Variants in NTSR2 observed in about 807,000 individuals in gnomAD.
NTSR2 encodes neurotensin receptor 2, also known as neurotensin receptor type 2.
Under a neutral mutation model 24.1 loss-of-function variants are expected in NTSR2, and 22 were observed. That is an observed-to-expected ratio of 0.91 (90% CI 0.65 to 1.30). NTSR2 has a LOEUF of 1.30. Among genes scored for constraint, NTSR2 ranks in the 50% most tolerant of loss-of-function variants. The probability of loss-of-function intolerance (pLI) is 0.00; values close to 1 mark genes in which losing one functional copy is unlikely to be tolerated. For synonymous variants in NTSR2, 291 were observed against 267.0 expected (o/e 1.09, Z -0.88); for missense variants, 570 against 570.4 (o/e 1.00, Z 0.01).
intron 1 of NTSR2, among the ~76,000 whole-genome samples, chr2:11,668,996 G>T (rs1227360533): frequency 6.6e-6 from 1 of 152,140 alleles, no homozygotes; most frequent in African/African-American, 2.4e-5. Flanking sequence ...GGTGTGGGGG[G>T]ACAAGTGGCC....
At chr2:11,666,949 G>A (rs576912171) in intron 1 of NTSR2, among the ~76,000 whole-genome samples, 2 of 151,930 alleles carry the variant, frequency 1.3e-5, no homozygotes, top group Non-Finnish European at 3.0e-5. Context: ...GGAAGAAAAG[G>A]CAGGAAAGGA....
chr2:11,669,482 GACTCCC>G lies in NTSR2; in HGVS notation c.624+18_624+23del. The G allele has an allele frequency of 2.0e-5, 2 of 99,272 alleles. No homozygotes were observed. The highest frequency in any genetic ancestry group is 3.8e-3 in the Middle Eastern group (1 of 266). The allele number at this position is 99,272 out of a possible 1,614,324, so 6.1% of individuals were successfully genotyped here. A position where few individuals can be genotyped will look rare whatever the true frequency, so the allele number is the denominator to read the frequency against. ...ACCGCCCCCCCACCCCCCCTCCCCC[GACTCCC>G]GCTCTCCACGCCCTTACCTGGATAA... On this transcript the variant is annotated intron_variant, in intron 1 of 3. Transcript: ENST00000306928.
rs1282108290 is a variant in NTSR2, at chr2:11,662,102, C to T, written c.763G>A (p.Glu255Lys). ...TPGSSTPSRLELLSEEGLLSF... is the reference protein window; with the variant it reads ...TPGSSTPSRLKLLSEEGLLSF... ...AGGAGACCCTCCTCACTCAGCAGCT[C>T]CAGGCGGCTGGGGGTGGAGCTGCCC... Residue 255 changes from glutamate (E) to lysine (K), a missense_variant, in exon 2 of 4, where the codon GAG becomes AAG. Coordinates refer to ENST00000306928, the MANE Select transcript of NTSR2 (RefSeq NM_012344.4). 1 of 1,613,212 alleles carries T rather than the reference C, an allele frequency of 6.2e-7. No homozygotes were observed. The highest frequency in any genetic ancestry group is 1.1e-5 in the South Asian group (1 of 91,016).
Position 11,658,332 on chromosome 2 carries a change from C to T in NTSR2, c.*147G>A, listed in dbSNP as rs373736747. The T allele has an allele frequency of 3.6e-5, 42 of 1,156,040 alleles. No homozygotes were observed. The highest frequency in any genetic ancestry group is 8.0e-5 in the South Asian group (5 of 62,752). The allele number at this position is 1,156,040 out of a possible 1,614,324, so 71.6% of individuals were successfully genotyped here. The stretch of plus-strand genomic sequence containing the variant: ...TAGGAGGGGTCACGTGGCTTCCCTG[C>T]GCTTGATGGTTCTCAGCAGAGCAGG... On this transcript the variant is annotated 3_prime_UTR_variant, in exon 4 of 4. Coordinates refer to ENST00000306928, the MANE Select transcript of NTSR2 (RefSeq NM_012344.4).
chr2:11,669,747 C>A lies in NTSR2; in HGVS notation c.383G>T (p.Gly128Val). The A allele has an allele frequency of 6.5e-7, 1 of 1,536,624 alleles. No individual in the cohort carries two copies. Among genetic ancestry groups the A allele is most frequent in the Non-Finnish European group, 8.7e-7 (1 of 1,147,802 alleles). ...GGCTAGGCAGCGCTCGGCGCTCAGG[C>A]CTGCCACGCTCAGCACCGTGGCGTA... Reference protein sequence around the residue: ...CAYATVLSVAGLSAERCLAVC... With the variant: ...CAYATVLSVAVLSAERCLAVC... The change falls in exon 1 of 4, where the codon GGC becomes GTC. Residue 128 changes from glycine (G) to valine (V), a missense_variant. Transcript: ENST00000306928.
chr2:11,670,052 G>C lies in NTSR2; in HGVS notation c.78C>G (p.Asp26Glu), dbSNP rs1194768549. The C allele has an allele frequency of 1.3e-6, 2 of 1,482,006 alleles. No individual in the cohort carries two copies. Among genetic ancestry groups the C allele is most frequent in the African/African-American group, 2.9e-5 (2 of 67,828 alleles). The allele number at this position is 1,482,006 out of a possible 1,614,324, so 91.8% of individuals were successfully genotyped here. A position where few individuals can be genotyped will look rare whatever the true frequency, so the allele number is the denominator to read the frequency against. ...GLSLDARLGV[D>E]TRLWAKVLFT... ...ACAGCACCTTGGCCCAGAGGCGAGT[G>C]TCCACGCCCAGCCGGGCGTCCAGGC... is the stretch of plus-strand genomic sequence containing the variant. Residue 26 changes from aspartate to glutamate, a missense_variant, in exon 1 of 4, where the codon GAC becomes GAG. Transcript: ENST00000306928.
chr2:11,669,801 C>G lies in NTSR2; in HGVS notation c.329G>C (p.Gly110Ala), dbSNP rs904937814. 1.3e-6 allele frequency: 2 copies of G among 1,561,224 alleles called. No individual in the cohort carries two copies. The highest frequency in any genetic ancestry group is 2.3e-5 in the South Asian group (2 of 85,948). Reference sequence around the variant, plus strand: ...GCACAGCTCGTGCACGAAGTAGTAGCCGCGGCAGCCCAGGTCGCCGAAGAC... The same window carrying G: ...GCACAGCTCGTGCACGAAGTAGTAGGCGCGGCAGCCCAGGTCGCCGAAGAC... ...PWVFGDLGCR[G>A]YYFVHELCAY... The change falls in exon 1 of 4, where the codon GGC (glycine) becomes GCC (alanine). Residue 110 changes from glycine to alanine, a missense_variant. Gly to Ala is a moderately conservative substitution (Grantham distance 60, BLOSUM62 0). Transcript: ENST00000306928.
At chr2:11,664,400 G>C (rs974787885) in intron 1 of NTSR2, among the ~76,000 whole-genome samples, 2 of 152,212 alleles carry the variant, frequency 1.3e-5, no homozygotes, top group African/African-American at 4.8e-5. Flanking sequence ...TTACAGGTGT[G>C]AGCCACTGTG....
chr2:11,664,172 G>A (rs576177195), intron 1 of NTSR2, among the ~76,000 whole-genome samples: 3 of 149,802 alleles, frequency 2.0e-5, no homozygotes, highest in East Asian at 2.0e-4. Flanking sequence ...ACTAGAGTGC[G>A]GTAGTGCAAT....
intron 1 of NTSR2, among the ~76,000 whole-genome samples, chr2:11,662,907 A>G (rs1047474796): frequency 6.6e-6 from 1 of 152,236 alleles, no homozygotes; most frequent in Non-Finnish European, 1.5e-5. Context: ...TTCTTATGAC[A>G]TTTAGCATCT....
chr2:11,662,640 G>C (rs958658835), intron 1 of NTSR2, among the ~76,000 whole-genome samples: 2 of 152,154 alleles, frequency 1.3e-5, no homozygotes, highest in African/African-American at 4.8e-5. Context: ...AATTAGCTGG[G>C]CGTGGTAGCG....
At chr2:11,669,429 C>T (rs902257574) in intron 1 of NTSR2, 77 bp downstream of exon 1, 10 of 957,814 alleles carry the variant, frequency 1.0e-5, no homozygotes, top group African/African-American at 9.8e-5. Flanking sequence ...GTCTGTTCCC[C>T]GGGGAGAGGG....
In NTSR2 at chr2:11,669,818, G is replaced by C. The variant is rs1035261916; in HGVS notation, c.312C>G (p.Gly104=). 7 of 1,571,356 alleles carry C rather than the reference G, an allele frequency of 4.5e-6. No individual in the cohort carries two copies. Among genetic ancestry groups the C allele is most frequent in the Non-Finnish European group, 6.0e-6 (7 of 1,165,768 alleles). ...FVWFHYPWVF[G]DLGCRGYYFV... ...AGTAGTAGCCGCGGCAGCCCAGGTC[G>C]CCGAAGACCCAGGGGTAGTGGAACC... The change falls in exon 1 of 4, where the codon GGC becomes GGG. Residue 104 remains glycine, a synonymous_variant. Transcript: ENST00000306928.
At chr2:11,668,550 C>T (rs1661253237) in intron 1 of NTSR2, among the ~76,000 whole-genome samples, 1 of 152,188 alleles carries the variant, frequency 6.6e-6, no homozygotes, top group Non-Finnish European at 1.5e-5. Flanking sequence ...CCTCGTGTGC[C>T]AGTGTGCAGA....
At position 11,670,009 on chromosome 2, in the gene NTSR2, G is replaced by T. The variant is rs1456440335; in HGVS notation, c.121C>A (p.Leu41Ile). ...CCCGCCGCGCCCAGCGCCCAGATGAGTGCGTAGAGCGCGGTGAACAGCACC... is the reference window on the plus strand; with the variant it reads ...CCCGCCGCGCCCAGCGCCCAGATGATTGCGTAGAGCGCGGTGAACAGCACC... Reference protein sequence around the residue: ...AKVLFTALYALIWALGAAGNA... With the variant: ...AKVLFTALYAIIWALGAAGNA... The change falls in exon 1 of 4, where the codon CTC (leucine) becomes ATC (isoleucine). Residue 41 changes from leucine to isoleucine, a missense_variant. Coordinates refer to ENST00000306928, the MANE Select transcript of NTSR2 (RefSeq NM_012344.4). 1.1e-5 allele frequency: 17 copies of T among 1,517,530 alleles called. No homozygotes were observed. In the African/African-American group the frequency reaches 1.7e-4, roughly 15 times the overall value. The allele number at this position is 1,517,530 out of a possible 1,614,324, so 94.0% of individuals were successfully genotyped here. A position where few individuals can be genotyped will look rare whatever the true frequency, so the allele number is the denominator to read the frequency against.
Position 11,661,977 on chromosome 2 carries a change from G to C in NTSR2, c.888C>G (p.Val296=). ...VRRIRSLQRS[V]QVLRAIVVMY... Reference sequence around the variant, plus strand: ...TACAGAGGACTTAACTGAGAACCTGGACGCTGCGCTGGAGGCTGCGGATCC... The same window carrying C: ...TACAGAGGACTTAACTGAGAACCTGCACGCTGCGCTGGAGGCTGCGGATCC... The change falls in exon 2 of 4, where the codon GTC becomes GTG. Residue 296 remains valine, a synonymous_variant. Transcript: ENST00000306928. 6.3e-7 allele frequency: 1 copy of C among 1,592,184 alleles called. No individual in the cohort carries two copies. Among genetic ancestry groups the C allele is most frequent in the Non-Finnish European group, 8.6e-7 (1 of 1,168,972 alleles).
intron 1 of NTSR2, among the ~76,000 whole-genome samples, chr2:11,663,352 A>T (rs1258572087): frequency 6.6e-6 from 1 of 152,172 alleles, no homozygotes; most frequent in Non-Finnish European, 1.5e-5. Context: ...CCCCCTGTGC[A>T]CCAGAGAGCA....
In NTSR2 at chr2:11,669,785, G is replaced by T; in HGVS notation, c.345C>A (p.His115Gln). The change falls in exon 1 of 4, where the codon CAC becomes CAA. Residue 115 changes from histidine (H) to glutamine (Q), a missense_variant. Transcript: ENST00000306928. ...DLGCRGYYFV[H>Q]ELCAYATVLS... ...GCACCGTGGCGTAGGCGCACAGCTC[G>T]TGCACGAAGTAGTAGCCGCGGCAGC... 2 of 1,553,034 alleles carry T rather than the reference G, an allele frequency of 1.3e-6. No individual in the cohort carries two copies. Among genetic ancestry groups the T allele is most frequent in the East Asian group, 2.4e-5 (1 of 42,406 alleles).
At chr2:11,659,882 TG>T in intron 3 of NTSR2, among the ~76,000 whole-genome samples, 160 bp downstream of exon 3, 1 of 152,270 alleles carries the variant, frequency 6.6e-6, no homozygotes, top group East Asian at 1.9e-4. Flanking sequence ...CATCCCTGGC[TG>T]GGAGATTTCA....
Sources: allele counts gnomAD v4.1 joint callset (sites outside exome capture counted in the v4.1 genomes callset), GRCh38; gene constraint gnomAD v4.1.1; transcripts MANE v1.5; gene names NCBI Gene and HGNC (gene_info 2026-07-23, HGNC 2026-07-21).